The following ADAM17 variants were observed in gnomAD, a reference collection of about 807,000 sequenced individuals.
The protein encoded by ADAM17 is ADAM metallopeptidase domain 17, also known as disintegrin and metalloproteinase domain-containing protein 17.
ADAM17 carries 39 observed loss-of-function variants against 96.7 expected under a neutral mutation model. The observed-to-expected ratio is 0.40, with a 90% CI of 0.31 to 0.53. The LOEUF (loss-of-function observed/expected upper bound fraction) is 0.53, where lower values mean the gene tolerates loss of function less well. ADAM17 is among the 20% of genes least tolerant of loss of function. The pLI, the probability that ADAM17 is intolerant of heterozygous loss-of-function variation, is 0.44. For synonymous variants in ADAM17, 344 were observed against 359.2 expected (o/e 0.96, Z 0.48); for missense variants, 777 against 1,013.2 (o/e 0.77, Z 3.17).
In ADAM17 at chr2:9,540,046, C is replaced by T. The variant is rs185376968; in HGVS notation, c.230+3107G>A. On this transcript the variant is annotated intron_variant, in intron 2 of 18. Transcript: ENST00000310823. ...ACAGAGAAAAGATAACAAGTGGCTA[C>T]GATTTAATATTTTCTTAGGGAATCA... is the stretch of plus-strand genomic sequence containing the variant. Among the ~76,000 whole-genome samples the T allele has an allele frequency of 6.6e-3, 997 of 152,106 alleles. 7 individuals are homozygous for T. Among genetic ancestry groups the T allele is most frequent in the African/African-American group, 0.022 (914 of 41,490 alleles).
intron 18 of ADAM17, among the ~76,000 whole-genome samples, 175 bp from the exon 19 acceptor site, chr2:9,490,693 A>G (rs1440195924): frequency 6.6e-6 from 1 of 152,214 alleles, no homozygotes; most frequent in Admixed American, 6.5e-5. Context: ...AGGTTGGTGC[A>G]AAAGTAATTA....
At chr2:9,527,403 C>T (rs1363255647) in intron 5 of ADAM17, 1 of 154,020 alleles carries the variant, frequency 6.5e-6, no homozygotes, top group Non-Finnish European at 1.4e-5. Flanking sequence ...TGGATATAAC[C>T]TTCTTGTATT....
chr2:9,495,226 C>T (rs890839996), intron 14 of ADAM17, among the ~76,000 whole-genome samples: 1 of 152,212 alleles, frequency 6.6e-6, no homozygotes, highest in Non-Finnish European at 1.5e-5. Flanking sequence ...GCTCAGTGAC[C>T]CCAGGAGCAT....
chr2:9,491,262 G>C, intron 17 of ADAM17, 111 bp from the exon 18 acceptor site: 3 of 961,294 alleles, frequency 3.1e-6, no homozygotes, highest in Non-Finnish European at 4.7e-6. Flanking sequence ...AACCTGAGTT[G>C]TAGAAAGTGA....
At chr2:9,549,425 T>C (rs1665515144) in intron 1 of ADAM17, among the ~76,000 whole-genome samples, 2 of 152,286 alleles carry the variant, frequency 1.3e-5, no homozygotes, top group South Asian at 2.1e-4. Flanking sequence ...TATATCAACA[T>C]ATATACACAT....
Position 9,489,101 on chromosome 2 carries a change from G to A in ADAM17, c.*1076C>T, listed in dbSNP as rs1661846344. 1 of 151,930 alleles carries A rather than the reference G, an allele frequency of 6.6e-6. No individual in the cohort carries two copies. Among genetic ancestry groups the A allele is most frequent in the South Asian group, 2.1e-4 (1 of 4,810 alleles). The allele number at this position is 151,930 out of a possible 1,614,324, so 9.4% of individuals were successfully genotyped here. A position where few individuals can be genotyped will look rare whatever the true frequency, so the allele number is the denominator to read the frequency against. ...TGTGGGGACAGCCCCCAACCCTAAG[G>A]GCAGGTAGTATTCTATCTCCTGGCT... On this transcript the variant is annotated 3_prime_UTR_variant, in exon 19 of 19. Coordinates refer to ENST00000310823, the MANE Select transcript of ADAM17 (RefSeq NM_003183.6).
At chr2:9,545,960 T>C (rs111947306) in intron 1 of ADAM17, among the ~76,000 whole-genome samples, 6,926 of 151,882 alleles carry the variant, frequency 0.046, 228 homozygotes, top group Non-Finnish European at 0.064. Flanking sequence ...TAGCCAGGCA[T>C]GGTGGCATGT....
At chr2:9,555,354 T>C (rs1572967780) in intron 1 of ADAM17, among the ~76,000 whole-genome samples, 155 bp downstream of exon 1, 1 of 150,794 alleles carries the variant, frequency 6.6e-6, no homozygotes, top group East Asian at 2.0e-4. Flanking sequence ...TTCCCCAAAC[T>C]CCGAGAGCCA....
At chr2:9,537,333 T>G (rs1664995868) in intron 2 of ADAM17, among the ~76,000 whole-genome samples, 1 of 152,202 alleles carries the variant, frequency 6.6e-6, no homozygotes, top group East Asian at 1.9e-4. Context: ...GAAATAAACC[T>G]GGTTTATTTC....
intron 1 of ADAM17, among the ~76,000 whole-genome samples, chr2:9,551,356 T>G (rs1439876094): frequency 6.6e-6 from 1 of 152,170 alleles, no homozygotes; most frequent in Non-Finnish European, 1.5e-5. Context: ...AGACCAGAAG[T>G]GTTTCATTCA....
At chr2:9,495,556 TA>T (rs943753846) in intron 14 of ADAM17, among the ~76,000 whole-genome samples, 1 of 151,598 alleles carries the variant, frequency 6.6e-6, no homozygotes, top group Admixed American at 6.6e-5. Context: ...CTACTAAAAA[TA>T]AAAAAAATTA....
At chr2:9,534,939 A>G (rs981041611) in intron 4 of ADAM17, among the ~76,000 whole-genome samples, 5 of 152,214 alleles carry the variant, frequency 3.3e-5, no homozygotes, top group African/African-American at 1.2e-4. Context: ...TTTCTACTAA[A>G]TTTCTGACTC....
intron 4 of ADAM17, 83 bp downstream of exon 4, chr2:9,535,751 T>C: frequency 1.2e-6 from 1 of 810,534 alleles, no homozygotes; most frequent in Non-Finnish European, 1.9e-6. Flanking sequence ...TAAGTATAAT[T>C]ACTTTTCACC....
intron 1 of ADAM17, among the ~76,000 whole-genome samples, chr2:9,545,659 T>C (rs1665377791): frequency 6.6e-6 from 1 of 152,200 alleles, no homozygotes; most frequent in African/African-American, 2.4e-5. Flanking sequence ...AAGATGTTCA[T>C]TATTCAGCCT....
At position 9,503,567 on chromosome 2, in the gene ADAM17, G is replaced by GC. The variant is rs779325351; in HGVS notation, c.1545-1292dup. Among the ~76,000 whole-genome samples, 335 of 152,270 alleles carry GC rather than the reference G, an allele frequency of 2.2e-3. 1 individual carries two copies. The highest frequency in any genetic ancestry group is 1.3e-3 in the Non-Finnish European group (87 of 68,020). ...CAAAAGATTCTTTGGGCAGCCAGGA[G>GC]CAGTGGCTCACGCCTGTAATCCCAA... On this transcript the variant is annotated intron_variant, in intron 12 of 18. Transcript: ENST00000310823.
At chr2:9,551,260 G>A (rs1204106651) in intron 1 of ADAM17, among the ~76,000 whole-genome samples, 1 of 151,834 alleles carries the variant, frequency 6.6e-6, no homozygotes, top group Non-Finnish European at 1.5e-5. Flanking sequence ...AAGGAAGGGG[G>A]GGAACGGAGA....
intron 10 of ADAM17, among the ~76,000 whole-genome samples, chr2:9,516,846 G>C (rs1407939281): frequency 6.6e-6 from 1 of 151,976 alleles, no homozygotes; most frequent in East Asian, 1.9e-4. Context: ...CTTACTTAAT[G>C]AGCCCTAATT....
At chr2:9,527,444 T>C (rs2125027159) in intron 5 of ADAM17, 1 of 162,696 alleles carries the variant, frequency 6.1e-6, no homozygotes, top group South Asian at 2.0e-4. Flanking sequence ...TCCCTCCTAC[T>C]ACCAATTAAT....
intron 1 of ADAM17, among the ~76,000 whole-genome samples, chr2:9,544,521 T>C (rs1474345598): frequency 6.8e-6 from 1 of 147,350 alleles, no homozygotes; most frequent in Non-Finnish European, 1.5e-5. Context: ...CAAGACTCCA[T>C]CTCTAGGCGG....
Sources: allele counts gnomAD v4.1 joint callset (sites outside exome capture counted in the v4.1 genomes callset), GRCh38; gene constraint gnomAD v4.1.1; transcripts MANE v1.5; gene names NCBI Gene and HGNC (gene_info 2026-07-23, HGNC 2026-07-21).